The following OPCML variants were observed in gnomAD, a reference collection of about 807,000 sequenced individuals.
OPCML encodes opioid-binding protein/cell adhesion molecule.
Under a neutral mutation model 37.8 loss-of-function variants are expected in OPCML, and 13 were observed. That is an observed-to-expected ratio of 0.34 (90% CI 0.22 to 0.55). The LOEUF is 0.55. OPCML is among the 20% of genes least tolerant of loss of function. The pLI is 0.91. For synonymous variants in OPCML, 176 were observed against 168.8 expected (o/e 1.04, Z -0.33); for missense variants, 341 against 435.6 (o/e 0.78, Z 1.93).
chr11:133,163,301 G>A (rs943556671), intron 1 of OPCML, among the ~76,000 whole-genome samples: 1 of 152,194 alleles, frequency 6.6e-6, no homozygotes, highest in Non-Finnish European at 1.5e-5. Context: ...CTCTGTGGAA[G>A]TGTTTGCTGT....
intron 2 of OPCML, among the ~76,000 whole-genome samples, chr11:132,689,501 C>A (rs1406802854): frequency 5.3e-5 from 8 of 152,320 alleles, no homozygotes; most frequent in East Asian, 1.9e-4. Flanking sequence ...TGCCTGCAAC[C>A]TTATCCACTG....
chr11:132,859,602 G>A (rs1268990394), intron 2 of OPCML: 9 of 152,234 alleles, frequency 5.9e-5, no homozygotes, highest in Admixed American at 5.9e-4. Flanking sequence ...ACTGGAGCTA[G>A]CACAAGTCAG....
At chr11:132,929,045 C>G (rs954370812) in intron 2 of OPCML, among the ~76,000 whole-genome samples, 3 of 144,524 alleles carry the variant, frequency 2.1e-5, no homozygotes, top group African/African-American at 7.6e-5. Context: ...CCTTAAGGAA[C>G]TAAAAAAAAG....
At chr11:133,161,480 T>G (rs1334852009) in intron 1 of OPCML, among the ~76,000 whole-genome samples, 1 of 152,144 alleles carries the variant, frequency 6.6e-6, no homozygotes, top group Non-Finnish European at 1.5e-5. Context: ...GATTTAAAGC[T>G]GTGAGTGGCA....
At chr11:132,569,094 G>A (rs2096431320) in intron 3 of OPCML, among the ~76,000 whole-genome samples, 1 of 152,190 alleles carries the variant, frequency 6.6e-6, no homozygotes, top group South Asian at 2.1e-4. Context: ...TGCGGTCGGG[G>A]CTGACTATGC....
intron 2 of OPCML, among the ~76,000 whole-genome samples, chr11:132,937,521 G>A (rs1945418594): frequency 6.6e-6 from 1 of 150,430 alleles, no homozygotes; most frequent in South Asian, 2.1e-4. Context: ...TGTCTGTGTG[G>A]TGTGTGGTGT....
At chr11:132,578,967 G>A (rs1188633079) in intron 3 of OPCML, among the ~76,000 whole-genome samples, 1 of 150,962 alleles carries the variant, frequency 6.6e-6, no homozygotes, top group African/African-American at 2.4e-5. Context: ...CCCCTTTCCC[G>A]CTATATTGGA....
intron 2 of OPCML, among the ~76,000 whole-genome samples, chr11:132,868,170 C>A (rs569015338): frequency 6.6e-6 from 1 of 152,112 alleles, no homozygotes; most frequent in South Asian, 2.1e-4. Flanking sequence ...ACTGAGGCAC[C>A]AAGAGCTGCC....
At chr11:133,038,849 C>T (rs1267717423) in intron 1 of OPCML, among the ~76,000 whole-genome samples, 3 of 151,986 alleles carry the variant, frequency 2.0e-5, no homozygotes, top group Admixed American at 6.6e-5. Context: ...ACCCTGCTGC[C>T]ATTTTTGGTT....
chr11:133,387,172 G>A (rs1308448126), intron 1 of OPCML, among the ~76,000 whole-genome samples: 3 of 152,204 alleles, frequency 2.0e-5, no homozygotes, highest in Non-Finnish European at 4.4e-5. Flanking sequence ...GCAGGATCCA[G>A]GCTCAGGGCT....
chr11:132,433,413 T>C (rs952922905), intron 7 of OPCML, among the ~76,000 whole-genome samples: 1 of 152,154 alleles, frequency 6.6e-6, no homozygotes, highest in Non-Finnish European at 1.5e-5. Context: ...AAATGTAGCA[T>C]TTATGGGATT....
chr11:133,220,055 T>C (rs536366992), intron 1 of OPCML, among the ~76,000 whole-genome samples: 1 of 152,204 alleles, frequency 6.6e-6, no homozygotes, highest in East Asian at 1.9e-4. Context: ...CCAAATATTA[T>C]AATATCATTC....
chr11:132,677,351 C>T (rs555605054), intron 2 of OPCML, among the ~76,000 whole-genome samples: 1 of 152,164 alleles, frequency 6.6e-6, no homozygotes, highest in Non-Finnish European at 1.5e-5. Context: ...CAATGGAATT[C>T]CAATTAAAAT....
chr11:132,990,047 G>A (rs943028562), intron 1 of OPCML, among the ~76,000 whole-genome samples: 1 of 152,178 alleles, frequency 6.6e-6, no homozygotes, highest in African/African-American at 2.4e-5. Context: ...TCAGGCAGAG[G>A]AGCATGCCAC....
intron 1 of OPCML, among the ~76,000 whole-genome samples, chr11:133,172,234 G>T (rs1950297447): frequency 6.6e-6 from 1 of 152,170 alleles, no homozygotes; most frequent in Non-Finnish European, 1.5e-5. Flanking sequence ...TGATGAACAT[G>T]ACAGTTACTG....
intron 1 of OPCML, among the ~76,000 whole-genome samples, chr11:132,991,644 C>T (rs1430080874): frequency 6.6e-6 from 1 of 152,144 alleles, no homozygotes; most frequent in Non-Finnish European, 1.5e-5. Context: ...TAGCTTGCTG[C>T]CATGGCAGCC....
intron 2 of OPCML, among the ~76,000 whole-genome samples, chr11:132,835,213 AT>A (rs1940940887): frequency 1.3e-5 from 2 of 152,188 alleles, no homozygotes; most frequent in Admixed American, 1.3e-4. Flanking sequence ...GAGGTTTCAT[AT>A]TCTCTGGCCA....
At chr11:132,478,472 C>T (rs532795113) in intron 4 of OPCML, among the ~76,000 whole-genome samples, 2 of 152,266 alleles carry the variant, frequency 1.3e-5, no homozygotes, top group South Asian at 4.1e-4. Flanking sequence ...GGATACACAA[C>T]ACATCCTTAA....
intron 1 of OPCML, among the ~76,000 whole-genome samples, chr11:133,464,970 C>T (rs953974644): frequency 1.3e-5 from 2 of 152,154 alleles, no homozygotes; most frequent in African/African-American, 4.8e-5. Flanking sequence ...AGGGGCTAGA[C>T]ACAGTAAAGG....
Sources: allele counts gnomAD v4.1 joint callset (sites outside exome capture counted in the v4.1 genomes callset), GRCh38; gene constraint gnomAD v4.1.1; transcripts MANE v1.5; gene names NCBI Gene and HGNC (gene_info 2026-07-23, HGNC 2026-07-21).